Variants in PCDHGA5 observed in about 807,000 individuals in gnomAD.
PCDHGA5 encodes protocadherin gamma subfamily A, 5.
In PCDHGA5, 36 loss-of-function variants were observed where a neutral mutation model predicts 56.7. The observed-to-expected ratio is 0.64, with a 90% CI of 0.49 to 0.84. The LOEUF is 0.84. PCDHGA5 is among the 40% of genes least tolerant of loss of function. The pLI is 0.00. For synonymous variants in PCDHGA5, 563 were observed against 520.2 expected (o/e 1.08, Z -1.12); for missense variants, 1,305 against 1,201.5 (o/e 1.09, Z -1.27).
chr5:141,393,794 T>C, intron 1 of PCDHGA5: 1 of 1,613,934 alleles, frequency 6.2e-7, no homozygotes, highest in South Asian at 1.1e-5. Flanking sequence ...TGGGGGCACT[T>C]CTGGGGAGGA....
At chr5:141,389,111 C>T (rs752785695) in intron 1 of PCDHGA5, 4 of 1,614,008 alleles carry the variant, frequency 2.5e-6, no homozygotes, top group South Asian at 1.1e-5. Flanking sequence ...CTGTTCTAGA[C>T]CGCGAGCAGA....
At chr5:141,424,525 A>G (rs1010194490) in intron 1 of PCDHGA5, 2 of 152,196 alleles carry the variant, frequency 1.3e-5, no homozygotes, top group Non-Finnish European at 2.9e-5. Context: ...TAGTAAATCC[A>G]TATATAGAAA....
intron 1 of PCDHGA5, among the ~76,000 whole-genome samples, chr5:141,373,562 T>C (rs955311782): frequency 2.6e-5 from 4 of 152,186 alleles, no homozygotes; most frequent in African/African-American, 9.7e-5. Context: ...TTACTGAAAA[T>C]GGGACTAGCA....
At chr5:141,445,249 G>A (rs1337658576) in intron 1 of PCDHGA5, among the ~76,000 whole-genome samples, 2 of 152,170 alleles carry the variant, frequency 1.3e-5, no homozygotes, top group South Asian at 4.1e-4. Flanking sequence ...ACTATATTGT[G>A]TGAGAATATA....
chr5:141,372,798 A>T (rs900906773), intron 1 of PCDHGA5: 2 of 1,597,288 alleles, frequency 1.3e-6, no homozygotes, highest in Non-Finnish European at 1.7e-6. Flanking sequence ...TAATTCAGGC[A>T]ATTTGCAAAA....
At chr5:141,454,047 T>C (rs896373946) in intron 1 of PCDHGA5, among the ~76,000 whole-genome samples, 6 of 152,122 alleles carry the variant, frequency 3.9e-5, no homozygotes, top group African/African-American at 7.2e-5. Flanking sequence ...AAGATAAAAG[T>C]GCAGCAAAGA....
chr5:141,413,981 C>A (rs563161887), intron 1 of PCDHGA5: 1 of 1,613,452 alleles, frequency 6.2e-7, no homozygotes, highest in Admixed American at 1.7e-5. Context: ...CTGACAGTCA[C>A]AGCCACCGAC....
At chr5:141,497,722 T>C (rs1395904793) in intron 2 of PCDHGA5, among the ~76,000 whole-genome samples, 1 of 152,030 alleles carries the variant, frequency 6.6e-6, no homozygotes, top group Non-Finnish European at 1.5e-5. Flanking sequence ...GTATTTTTAG[T>C]AGAGATGGGT....
intron 1 of PCDHGA5, chr5:141,371,552 A>G (rs1414054761): frequency 1.9e-6 from 3 of 1,613,854 alleles, no homozygotes; most frequent in Admixed American, 1.7e-5. Context: ...TATGCCAACT[A>G]AAAGGAAACT....
chr5:141,371,145 G>T lies in PCDHGA5; in HGVS notation c.2421+4394G>T, dbSNP rs144065486. The T allele has an allele frequency of 2.5e-6, 4 of 1,613,912 alleles. No homozygotes were observed. In the African/African-American group the frequency reaches 5.3e-5, roughly 22 times the overall value. On this transcript the variant is annotated intron_variant, in intron 1 of 3. Coordinates refer to ENST00000518069, the MANE Select transcript of PCDHGA5 (RefSeq NM_018918.3). ...TACTCAGGACATGTACAGGGTCAAT[G>T]TTGCAGAGAACCTGCCCGCTGGCTC...
At chr5:141,381,975 G>A (rs1408994703) in intron 1 of PCDHGA5, among the ~76,000 whole-genome samples, 4 of 151,294 alleles carry the variant, frequency 2.6e-5, no homozygotes, top group South Asian at 2.1e-4. Flanking sequence ...GATTACAGGC[G>A]CGCGCCACCA....
chr5:141,421,854 C>CCTG (rs761444125), intron 1 of PCDHGA5: 2 of 1,613,762 alleles, frequency 1.2e-6, no homozygotes, highest in Non-Finnish European at 1.7e-6. Flanking sequence ...AGGCTGCTCA[C>CCTG]CTGCTCCTCC....
chr5:141,375,317 C>A (rs758382127), intron 1 of PCDHGA5: 10 of 1,613,790 alleles, frequency 6.2e-6, no homozygotes, highest in South Asian at 2.2e-5. Flanking sequence ...AGCTCTAGAC[C>A]GGGAAGAGGT....
chr5:141,495,469 C>G (rs1398171981), intron 2 of PCDHGA5, among the ~76,000 whole-genome samples: 1 of 152,220 alleles, frequency 6.6e-6, no homozygotes, highest in Non-Finnish European at 1.5e-5. Flanking sequence ...TGTGGGGTCT[C>G]CGTGTCTCTG....
At chr5:141,401,936 G>A (rs950687803) in intron 1 of PCDHGA5, among the ~76,000 whole-genome samples, 1 of 152,100 alleles carries the variant, frequency 6.6e-6, no homozygotes, top group African/African-American at 2.4e-5. Flanking sequence ...TTAGAATAAT[G>A]TTTAAGACCA....
intron 2 of PCDHGA5, among the ~76,000 whole-genome samples, chr5:141,502,170 G>A (rs1165631931): frequency 6.6e-6 from 1 of 152,128 alleles, no homozygotes; most frequent in Admixed American, 6.5e-5. Context: ...TTCAGTTGAG[G>A]AATTTAACAT....
chr5:141,389,887 A>T (rs1473090410), intron 1 of PCDHGA5: 2 of 1,613,940 alleles, frequency 1.2e-6, no homozygotes, highest in South Asian at 1.1e-5. Flanking sequence ...AGCTTGCAGG[A>T]GGTGCTGCCG....
chr5:141,419,072 G>C (rs17208397), intron 1 of PCDHGA5: 242,774 of 1,613,756 alleles, frequency 0.15, 19,855 homozygotes, highest in Non-Finnish European at 0.17. Context: ...CTACAAGCTA[G>C]TAACAGATGA....
rs575694126 is a variant in PCDHGA5 at position 141,399,993 on chromosome 5, G to A, written c.2421+33242G>A. 3.1e-5 allele frequency: 50 copies of A among 1,612,336 alleles called. 1 individual carries two copies. Among genetic ancestry groups the A allele is most frequent in the Middle Eastern group, 1.8e-4 (1 of 5,462 alleles). On this transcript the variant is annotated intron_variant, in intron 1 of 3. Transcript: ENST00000518069. ...GCCTGGGGCTGCGCACAGGAGAGGT[G>A]CGCACAGCGCGTGCCTTGGGCGACA...
Sources: allele counts gnomAD v4.1 joint callset (sites outside exome capture counted in the v4.1 genomes callset), GRCh38; gene constraint gnomAD v4.1.1; transcripts MANE v1.5; gene names NCBI Gene and HGNC (gene_info 2026-07-23, HGNC 2026-07-21).